Variants in DLG1 observed in about 807,000 individuals in gnomAD.
DLG1 encodes discs large MAGUK scaffold protein 1.
A neutral mutation model predicts 123.4 loss-of-function variants in DLG1; 42 were observed. That is an observed-to-expected ratio of 0.34 (90% CI 0.27 to 0.44). The LOEUF (loss-of-function observed/expected upper bound fraction) is 0.44, where lower values mean the gene tolerates loss of function less well. Among genes scored for constraint, DLG1 ranks in the 20% least tolerant of loss-of-function variants. The pLI is 1.00. For missense variants in DLG1, 942 were observed against 1,082.6 expected (o/e 0.87, Z 1.82); for synonymous variants, 317 against 356.2 (o/e 0.89, Z 1.24).
intron 4 of DLG1, among the ~76,000 whole-genome samples, chr3:197,252,956 C>G (rs1215048635): frequency 6.6e-6 from 1 of 151,872 alleles, no homozygotes; most frequent in African/African-American, 2.4e-5. Context: ...AAAATACTAA[C>G]CCAAAATGGA....
chr3:197,236,698 G>C (rs144218799), intron 4 of DLG1, among the ~76,000 whole-genome samples: 1,994 of 152,258 alleles, frequency 0.013, 39 homozygotes, highest in Admixed American at 0.04. Flanking sequence ...CCAAAGTCAA[G>C]AAAAGTCGAT....
chr3:197,229,980 C>G (rs550724958), intron 4 of DLG1, among the ~76,000 whole-genome samples: 3 of 152,328 alleles, frequency 2.0e-5, no homozygotes, highest in African/African-American at 7.2e-5. Flanking sequence ...AAATGGGAAT[C>G]ATGTCTGACT....
At chr3:197,111,551 T>C (rs1408995339) in intron 13 of DLG1, among the ~76,000 whole-genome samples, 2 of 152,210 alleles carry the variant, frequency 1.3e-5, no homozygotes, top group African/African-American at 2.4e-5. Flanking sequence ...TTAAATAAAT[T>C]ACAGTATATT....
intron 14 of DLG1, among the ~76,000 whole-genome samples, chr3:197,092,564 A>C (rs1001686979): frequency 6.6e-6 from 1 of 152,106 alleles, no homozygotes; most frequent in Non-Finnish European, 1.5e-5. Flanking sequence ...ACAGTGGCAC[A>C]AGCATAGTTC....
chr3:197,297,047 G>A, intron 2 of DLG1, 139 bp downstream of exon 2: 3 of 892,196 alleles, frequency 3.4e-6, no homozygotes, highest in South Asian at 3.0e-5. Context: ...ATGATATGAG[G>A]CTTAGATTCC....
At chr3:197,152,061 A>G (rs1215335899) in intron 5 of DLG1, among the ~76,000 whole-genome samples, 1 of 152,142 alleles carries the variant, frequency 6.6e-6, no homozygotes, top group African/African-American at 2.4e-5. Context: ...CAGAATAAGC[A>G]TTTCTATAGC....
At chr3:197,064,421 A>G (rs1433135253) in intron 22 of DLG1, among the ~76,000 whole-genome samples, 1 of 152,034 alleles carries the variant, frequency 6.6e-6, no homozygotes. Flanking sequence ...TTGAACTCCT[A>G]ACCTCAGGTG....
chr3:197,283,272 A>G (rs760352626), intron 3 of DLG1, among the ~76,000 whole-genome samples: 1 of 152,210 alleles, frequency 6.6e-6, no homozygotes, highest in African/African-American at 2.4e-5. Flanking sequence ...TTCTACAGAT[A>G]GGAGTTATTA....
chr3:197,216,777 G>A (rs1734328961), intron 4 of DLG1, among the ~76,000 whole-genome samples: 1 of 152,202 alleles, frequency 6.6e-6, no homozygotes, highest in African/African-American at 2.4e-5. Flanking sequence ...CTAGTCAACA[G>A]CCAACCTTAC....
intron 23 of DLG1, among the ~76,000 whole-genome samples, chr3:197,058,987 G>A (rs1262597319): frequency 2.0e-5 from 3 of 152,120 alleles, no homozygotes; most frequent in South Asian, 4.1e-4. Flanking sequence ...GTGCAGTGGC[G>A]AGATCTCGGC....
At chr3:197,182,945 A>G (rs538432416) in intron 5 of DLG1, among the ~76,000 whole-genome samples, 2 of 151,966 alleles carry the variant, frequency 1.3e-5, no homozygotes, top group African/African-American at 2.4e-5. Context: ...TTAAATTGTG[A>G]TTTGACTATG....
intron 15 of DLG1, among the ~76,000 whole-genome samples, chr3:197,088,236 A>G (rs922955223): frequency 1.3e-5 from 2 of 152,214 alleles, no homozygotes; most frequent in Admixed American, 1.3e-4. Context: ...TATATAAAAC[A>G]CTAAAGAAAA....
chr3:197,246,115 A>G (rs1165945954), intron 4 of DLG1, among the ~76,000 whole-genome samples: 1 of 152,138 alleles, frequency 6.6e-6, no homozygotes, highest in East Asian at 1.9e-4. Flanking sequence ...AACAATTCAC[A>G]TGTTTGAGCG....
At position 197,245,906 on chromosome 3, in the gene DLG1, G is replaced by GC. The variant is rs1313434555; in HGVS notation, c.318+36772_318+36773insG. Among the ~76,000 whole-genome samples the GC allele has an allele frequency of 1.1e-3, 159 of 141,742 alleles. 4 individuals carry two copies. The highest frequency in any genetic ancestry group is 3.2e-3 in the African/African-American group (125 of 38,588). The allele number at this position is 141,742 out of a possible 152,430, so 93.0% of individuals were successfully genotyped here. On this transcript the variant is annotated intron_variant, in intron 4 of 24. Transcript: ENST00000667157. ...GACAATACTTTTTTTTTTTTGGGGG[G>GC]GGGGGAGGTGGCAAATGAAGGTTAT...
At position 197,149,861 on chromosome 3, in the gene DLG1, G is replaced by A. The variant is rs368542649; in HGVS notation, c.484-65C>T. 32 of 946,694 alleles carry A rather than the reference G, an allele frequency of 3.4e-5. 1 individual carries two copies. Among genetic ancestry groups the A allele is most frequent in the East Asian group, 3.0e-4 (12 of 40,368 alleles). 58.6% of individuals were successfully genotyped at this position (946,694 alleles called of 1,614,324 possible). A position where few individuals can be genotyped will look rare whatever the true frequency, so the allele number is the denominator to read the frequency against. Reference sequence around the variant, plus strand: ...AACATTACATGTTCATGTTCACAATGTTAGAGGCATAGGAAAGACTTGCTA... The same window carrying A: ...AACATTACATGTTCATGTTCACAATATTAGAGGCATAGGAAAGACTTGCTA... On this transcript the variant is annotated intron_variant, in intron 5 of 24. Coordinates refer to ENST00000667157, the MANE Select transcript of DLG1 (RefSeq NM_001366207.1).
At chr3:197,284,576 T>C (rs906842250) in intron 3 of DLG1, among the ~76,000 whole-genome samples, 5 of 152,106 alleles carry the variant, frequency 3.3e-5, no homozygotes, top group African/African-American at 1.2e-4. Flanking sequence ...CTACAAGTGA[T>C]TCTATATTCA....
chr3:197,296,512 CTATT>C, intron 2 of DLG1, 35 bp from the exon 3 acceptor site: 2 of 1,601,322 alleles, frequency 1.2e-6, no homozygotes, highest in Non-Finnish European at 1.7e-6. Context: ...TTAAAACTCT[CTATT>C]TACAAAAAAA....
rs905833090 is a variant in DLG1, at chr3:197,253,958, G to T, written c.318+28721C>A. ...AAAGGAAATGGAAATTTCTGCACAC[G>T]AAGGAAAGAATCTAAACCCCAAAGA... On this transcript the variant is annotated intron_variant, in intron 4 of 24. Transcript: ENST00000667157. Among the ~76,000 whole-genome samples, 2 of 151,658 alleles carry T rather than the reference G, an allele frequency of 1.3e-5. 1 individual carries two copies. Among genetic ancestry groups the T allele is most frequent in the South Asian group, 4.2e-4 (2 of 4,798 alleles).
At chr3:197,131,672 C>T (rs1465186055) in intron 10 of DLG1, among the ~76,000 whole-genome samples, 1 of 134,442 alleles carries the variant, frequency 7.4e-6, no homozygotes, top group Non-Finnish European at 1.5e-5. Flanking sequence ...CAGCTCACTG[C>T]AAGCTCCGCC....
Sources: allele counts gnomAD v4.1 joint callset (sites outside exome capture counted in the v4.1 genomes callset), GRCh38; gene constraint gnomAD v4.1.1; transcripts MANE v1.5; gene names NCBI Gene and HGNC (gene_info 2026-07-23, HGNC 2026-07-21).